The following SCARA5 variants were observed in gnomAD, a reference collection of about 807,000 sequenced individuals.
SCARA5 encodes scavenger receptor class A, member 5 (putative).
Under a neutral mutation model 46.3 loss-of-function variants are expected in SCARA5, and 45 were observed. That is an observed-to-expected ratio of 0.97 (90% confidence interval 0.76 to 1.24). The LOEUF (loss-of-function observed/expected upper bound fraction) is 1.24. Ranked by LOEUF, SCARA5 falls within the 50% of genes most tolerant of loss-of-function variation. The probability of loss-of-function intolerance (pLI) is 0.00; values close to 1 mark genes in which losing one functional copy is unlikely to be tolerated. For missense variants in SCARA5, 680 were observed against 689.0 expected, an observed-to-expected ratio of 0.99 and a Z score of 0.15; for synonymous variants, 333 against 306.5, an observed-to-expected ratio of 1.09 and a Z score of -0.90.
At chr8:27,960,808 T>C (rs75119618) in intron 3 of SCARA5, among the ~76,000 whole-genome samples, 1 of 7,050 alleles carries the variant, frequency 1.4e-4, no homozygotes, top group African/African-American at 2.4e-4. Context: ...TCATGAATTA[T>C]GAAATAAATG....
chr8:27,883,791 A>T (rs1806847990), intron 7 of SCARA5, among the ~76,000 whole-genome samples: 1 of 152,214 alleles, frequency 6.6e-6, no homozygotes, highest in Non-Finnish European at 1.5e-5. Context: ...AGTGGGTGAC[A>T]CAATGCAGGA....
At chr8:27,878,082 C>T (rs571482924) in intron 8 of SCARA5, among the ~76,000 whole-genome samples, 123 of 152,288 alleles carry the variant, frequency 8.1e-4, no homozygotes, top group African/African-American at 2.6e-3. Flanking sequence ...CAGGTACGCC[C>T]GGCTCCACTC....
intron 8 of SCARA5, among the ~76,000 whole-genome samples, chr8:27,873,229 C>T (rs550535095): frequency 2.0e-5 from 3 of 152,298 alleles, no homozygotes; most frequent in South Asian, 2.1e-4. Context: ...CCCCTAATCC[C>T]GCTCGAAGCA....
chr8:27,884,189 C>T (rs1382676500), intron 7 of SCARA5, among the ~76,000 whole-genome samples: 2 of 152,168 alleles, frequency 1.3e-5, no homozygotes, highest in Admixed American at 6.5e-5. Flanking sequence ...GATCCTTCAT[C>T]CCTGGCCAGG....
intron 3 of SCARA5, among the ~76,000 whole-genome samples, chr8:27,957,651 C>T (rs959054913): frequency 1.7e-4 from 26 of 152,262 alleles, no homozygotes; most frequent in African/African-American, 6.0e-4. Flanking sequence ...TTCCCAGCTG[C>T]AGTCCAGGCA....
intron 3 of SCARA5, among the ~76,000 whole-genome samples, chr8:27,943,838 C>G (rs1006803975): frequency 1.1e-4 from 16 of 152,192 alleles, no homozygotes; most frequent in African/African-American, 3.9e-4. Context: ...GGATTGCTGG[C>G]AATCAGTGTA....
At chr8:27,901,179 A>C (rs914960353) in intron 7 of SCARA5, among the ~76,000 whole-genome samples, 2 of 151,812 alleles carry the variant, frequency 1.3e-5, no homozygotes, top group Non-Finnish European at 2.9e-5. Context: ...TCCAGGGAAA[A>C]CCCCCAACTT....
rs949244416 is a variant in SCARA5, at chr8:27,951,642, C to T, written c.241+14772G>A. 1.3e-5 allele frequency among the ~76,000 whole-genome samples: 2 copies of T among 152,174 alleles called. 1 individual carries two copies. The highest frequency in any genetic ancestry group is 1.3e-4 in the Admixed American group (2 of 15,284). ...CCATCAGCGACTGCCCATGGCCACA[C>T]GGTAAGGCAGAAGGCAAGTGTGCTC... On this transcript the variant is annotated intron_variant, in intron 3 of 8. Coordinates refer to ENST00000354914, the MANE Select transcript of SCARA5 (RefSeq NM_173833.6).
chr8:27,973,305 C>T (rs1563199520), intron 2 of SCARA5, among the ~76,000 whole-genome samples: 1 of 152,004 alleles, frequency 6.6e-6, no homozygotes, highest in East Asian at 1.9e-4. Context: ...GAAAAAACCC[C>T]ATCTCTACTA....
At chr8:27,971,758 G>T (rs1477492485) in intron 2 of SCARA5, among the ~76,000 whole-genome samples, 1 of 151,970 alleles carries the variant, frequency 6.6e-6, no homozygotes, top group Non-Finnish European at 1.5e-5. Flanking sequence ...TGCCAGAAGA[G>T]CCCAGAATGC....
intron 7 of SCARA5, among the ~76,000 whole-genome samples, chr8:27,898,182 A>G (rs1297182850): frequency 6.6e-6 from 1 of 152,248 alleles, no homozygotes; most frequent in Non-Finnish European, 1.5e-5. Context: ...GTCCTCTTGA[A>G]TGTATGTGAA....
In SCARA5 at chr8:27,987,648, G is replaced by A. The variant is rs764616067; in HGVS notation, c.-15-18C>T. On this transcript the variant is annotated intron_variant, in intron 1 of 8. Coordinates refer to ENST00000354914, the MANE Select transcript of SCARA5 (RefSeq NM_173833.6). ...TGCAACAGCTGCAGAGAAGGCAAGA[G>A]GGGAGGAGAGGGAGGACGAAGGCCG... is the stretch of plus-strand genomic sequence containing the variant. 2.8e-6 allele frequency: 4 copies of A among 1,448,298 alleles called. No homozygotes were observed. The highest frequency in any genetic ancestry group is 1.9e-6 in the Non-Finnish European group (2 of 1,028,990). 89.7% of individuals were successfully genotyped at this position (1,448,298 alleles called of 1,614,324 possible). A position where few individuals can be genotyped will look rare whatever the true frequency, so the allele number is the denominator to read the frequency against.
chr8:27,987,414 A>G, intron 2 of SCARA5, 90 bp downstream of exon 2: 1 of 835,380 alleles, frequency 1.2e-6, no homozygotes, highest in Non-Finnish European at 2.1e-6. Flanking sequence ...ACAAGCACTT[A>G]AAGGCAATGC....
chr8:27,900,296 G>A (rs1807130194), intron 7 of SCARA5, among the ~76,000 whole-genome samples: 1 of 152,162 alleles, frequency 6.6e-6, no homozygotes, highest in African/African-American at 2.4e-5. Flanking sequence ...ATGGGAGAAG[G>A]GAGTCCGAGG....
chr8:27,916,471 G>A (rs2685327), intron 4 of SCARA5, among the ~76,000 whole-genome samples: 82,960 of 151,928 alleles, frequency 0.55, 23,505 homozygotes, highest in Non-Finnish European at 0.63. Context: ...ATGCGTATAT[G>A]TGTGTGTGTG....
chr8:27,920,554 C>T (rs536830363), intron 4 of SCARA5, among the ~76,000 whole-genome samples: 6 of 148,258 alleles, frequency 4.0e-5, no homozygotes, highest in African/African-American at 1.5e-4. Flanking sequence ...GTGGAGGTTG[C>T]AGTGAGGGAG....
intron 5 of SCARA5, chr8:27,908,906 G>A (rs987321809): frequency 1.3e-5 from 2 of 152,286 alleles, no homozygotes; most frequent in Middle Eastern, 3.4e-3. Context: ...AGAGATTTAG[G>A]AAGCAGATGG....
chr8:27,989,302 A>G (rs1808753278), intron 1 of SCARA5, among the ~76,000 whole-genome samples: 1 of 151,480 alleles, frequency 6.6e-6, no homozygotes, highest in Admixed American at 6.6e-5. Context: ...TGTCCAGCTA[A>G]TTTTTTGCAG....
rs188914575 is a variant in SCARA5, at chr8:27,905,055, G to A, written c.1097-221C>T. 6.6e-5 allele frequency among the ~76,000 whole-genome samples: 10 copies of A among 152,100 alleles called. No individual in the cohort carries two copies. In the East Asian group the frequency reaches 7.7e-4, roughly 12 times the overall value. On this transcript the variant is annotated intron_variant, in intron 6 of 8. Coordinates refer to ENST00000354914, the MANE Select transcript of SCARA5 (RefSeq NM_173833.6). ...AGGCATGAGTGAGAAAATCCCACCC[G>A]TTTGTAAAGAACCAAAGAGCACATG...
Sources: gnomAD v4.1 joint callset for allele counts (sites outside exome capture counted in the v4.1 genomes callset) on GRCh38, gnomAD v4.1.1 for gene constraint, MANE v1.5 for transcripts, NCBI Gene and HGNC (gene_info 2026-07-23, HGNC 2026-07-21) for gene names.